SMAP1: variants seen among roughly 807,000 people sequenced by gnomAD.
The protein encoded by SMAP1 is stromal membrane-associated protein 1.
In SMAP1, 24 loss-of-function variants were observed where a neutral mutation model predicts 58.5. The ratio of observed to expected loss-of-function variants is 0.41; its 90% CI spans 0.30 to 0.58. SMAP1 has a LOEUF of 0.58. Among genes scored for constraint, SMAP1 ranks in the 20% least tolerant of loss-of-function variants. The pLI is 0.29. For synonymous variants in SMAP1, 216 were observed against 196.6 expected (o/e 1.10, Z -0.82); for missense variants, 563 against 566.3 (o/e 0.99, Z 0.06).
At chr6:70,712,762 CTTTTCTTTTCTTTTCTTTTTTCTTT>C (rs1263228836) in intron 1 of SMAP1, among the ~76,000 whole-genome samples, 1 of 140,920 alleles carries the variant, frequency 7.1e-6, no homozygotes, top group African/African-American at 2.9e-5. Context: ...TTTTTTATTG[CTTTTCTTTTCTTTTCTTTTTTCTTT>C]TTTTCTTTTC....
intron 6 of SMAP1, among the ~76,000 whole-genome samples, chr6:70,809,323 A>G (rs1462957777): frequency 6.6e-6 from 1 of 152,220 alleles, no homozygotes; most frequent in African/African-American, 2.4e-5. Flanking sequence ...AAGAAATGAA[A>G]ACAACCATCA....
intron 3 of SMAP1, among the ~76,000 whole-genome samples, chr6:70,769,186 G>T (rs533037597): frequency 8.7e-4 from 133 of 152,198 alleles, no homozygotes; most frequent in African/African-American, 2.6e-3. Context: ...TGGTCAATTT[G>T]GGAATAGGTG....
At chr6:70,812,353 T>A (rs1417169424) in intron 6 of SMAP1, among the ~76,000 whole-genome samples, 1 of 152,240 alleles carries the variant, frequency 6.6e-6, no homozygotes, top group Non-Finnish European at 1.5e-5. Flanking sequence ...CACATCTTTT[T>A]ATCTAATTCT....
In SMAP1 at chr6:70,703,685, C is replaced by T. The variant is rs935224504; in HGVS notation, c.119-28693C>T. ...CTACCTTCTGTAGTTTCCTCACACA[C>T]GTGCACCAATCAGTACTCAATTAAA... On this transcript the variant is annotated intron_variant, in intron 1 of 10. Transcript: ENST00000370455. Among the ~76,000 whole-genome samples, 6 of 152,196 alleles carry T rather than the reference C, an allele frequency of 3.9e-5. No homozygotes were observed. The East Asian group carries it at 9.6e-4, about 24-fold the overall frequency.
chr6:70,768,730 T>G (rs1767123062), intron 3 of SMAP1, among the ~76,000 whole-genome samples: 1 of 150,978 alleles, frequency 6.6e-6, no homozygotes, highest in African/African-American at 2.5e-5. Context: ...TTTTGAAGGG[T>G]TTTTTGTGTC....
intron 6 of SMAP1, 26 bp downstream of exon 6, chr6:70,798,763 C>G (rs1280152362): frequency 6.7e-7 from 1 of 1,483,624 alleles, no homozygotes; most frequent in African/African-American, 1.4e-5. Context: ...TAAAAATAAT[C>G]TATTAGGATT....
At position 70,860,504 on chromosome 6, in the gene SMAP1, GAA is replaced by G. The variant is rs945717475; in HGVS notation, c.*173_*174del. The G allele has an allele frequency of 2.2e-5, 14 of 640,366 alleles. No individual in the cohort carries two copies. Among genetic ancestry groups the G allele is most frequent in the African/African-American group, 1.9e-4 (10 of 52,912 alleles). The allele number at this position is 640,366 out of a possible 1,614,324, so 39.7% of individuals were successfully genotyped here. On this transcript the variant is annotated 3_prime_UTR_variant, in exon 11 of 11. Coordinates refer to ENST00000370455, the MANE Select transcript of SMAP1 (RefSeq NM_001044305.3). ...CTGTACTGATTCAATTTGATGTGGT[GAA>G]AAGCAGGTTGATAAATCATTTTATG... is the stretch of plus-strand genomic sequence containing the variant.
chr6:70,839,830 A>T (rs546824146), intron 7 of SMAP1, among the ~76,000 whole-genome samples: 5 of 151,928 alleles, frequency 3.3e-5, no homozygotes, highest in Admixed American at 6.5e-5. Context: ...CTTTTTTTTT[A>T]AAAAAGCTAT....
chr6:70,725,322 T>A (rs1480404267), intron 1 of SMAP1, among the ~76,000 whole-genome samples: 1 of 151,910 alleles, frequency 6.6e-6, no homozygotes, highest in East Asian at 1.9e-4. Flanking sequence ...TTCACCGTGT[T>A]AACCAGGATG....
intron 8 of SMAP1, 83 bp downstream of exon 8, chr6:70,852,747 G>A: frequency 2.2e-6 from 3 of 1,393,412 alleles, no homozygotes; most frequent in Non-Finnish European, 2.8e-6. Flanking sequence ...TGGAAGAATT[G>A]TTTCTGAGCA....
chr6:70,690,568 A>C (rs1036466855), intron 1 of SMAP1, among the ~76,000 whole-genome samples: 1 of 152,058 alleles, frequency 6.6e-6, no homozygotes, highest in African/African-American at 2.4e-5. Context: ...GGCCTCCCAA[A>C]GTGCTGGGAT....
Position 70,792,342 on chromosome 6 carries a change from T to G in SMAP1, c.495+573T>G, listed in dbSNP as rs1768399434. Among the ~76,000 whole-genome samples, 10 of 139,872 alleles carry G rather than the reference T, an allele frequency of 7.1e-5. No individual in the cohort carries two copies. The South Asian group carries it at 2.1e-3, about 29-fold the overall frequency. 91.8% of individuals were successfully genotyped at this position (139,872 alleles called of 152,430 possible). On this transcript the variant is annotated intron_variant, in intron 5 of 10. Transcript: ENST00000370455. The stretch of plus-strand genomic sequence containing the variant: ...TCTTTACCTATTTTTTTTTTTTTTT[T>G]GTTACATTGGCCTTAATAAATTAGT...
chr6:70,791,559 CT>C (rs1232448906), intron 4 of SMAP1, 129 bp from the exon 5 acceptor site: 1 of 625,882 alleles, frequency 1.6e-6, no homozygotes, highest in East Asian at 2.8e-5. Flanking sequence ...CATTGTTTTA[CT>C]TTATTAACAT....
chr6:70,695,205 A>G (rs1308866613), intron 1 of SMAP1, among the ~76,000 whole-genome samples: 2 of 152,170 alleles, frequency 1.3e-5, no homozygotes, highest in African/African-American at 2.4e-5. Flanking sequence ...TTTTTTCTAA[A>G]TATAAGATCA....
intron 6 of SMAP1, among the ~76,000 whole-genome samples, chr6:70,803,224 G>C (rs1314071680): frequency 6.6e-6 from 1 of 152,144 alleles, no homozygotes; most frequent in Non-Finnish European, 1.5e-5. Flanking sequence ...TCCTGGTTTA[G>C]TCTTGGGAGG....
chr6:70,686,212 T>C (rs1348290541), intron 1 of SMAP1, among the ~76,000 whole-genome samples: 1 of 152,244 alleles, frequency 6.6e-6, no homozygotes, highest in East Asian at 1.9e-4. Context: ...CAGTAAGATT[T>C]AAGAAAGTGA....
chr6:70,695,174 G>A (rs1767348354), intron 1 of SMAP1, among the ~76,000 whole-genome samples: 1 of 152,102 alleles, frequency 6.6e-6, no homozygotes, highest in Admixed American at 6.6e-5. Context: ...TATTCTAGTA[G>A]TTTTTTGGTA....
At chr6:70,787,422 TG>T (rs1283734913) in intron 4 of SMAP1, among the ~76,000 whole-genome samples, 9 of 151,978 alleles carry the variant, frequency 5.9e-5, no homozygotes, top group Non-Finnish European at 1.3e-4. Flanking sequence ...CCAAGAGCAA[TG>T]GCAACAAAAG....
At chr6:70,725,981 G>C (rs1768768400) in intron 1 of SMAP1, among the ~76,000 whole-genome samples, 2 of 152,172 alleles carry the variant, frequency 1.3e-5, no homozygotes, top group Non-Finnish European at 2.9e-5. Flanking sequence ...CAGTATAAGG[G>C]AATTTCGTTT....
Sources: gnomAD v4.1 joint callset for allele counts (sites outside exome capture counted in the v4.1 genomes callset) on GRCh38, gnomAD v4.1.1 for gene constraint, MANE v1.5 for transcripts, NCBI Gene and HGNC (gene_info 2026-07-23, HGNC 2026-07-21) for gene names.